The following SHPRH variants were observed in gnomAD, a reference collection of about 807,000 sequenced individuals.
The protein encoded by SHPRH is E3 ubiquitin-protein ligase SHPRH.
In SHPRH, 106 loss-of-function variants were observed where a neutral mutation model predicts 202.5. The ratio of observed to expected loss-of-function variants is 0.52; its 90% confidence interval spans 0.45 to 0.62. SHPRH has a LOEUF of 0.62. Ranked by LOEUF, SHPRH falls within the 20% of genes least tolerant of loss-of-function variation. The pLI is 0.00. For missense variants in SHPRH, 1,710 were observed against 2,020.0 expected, an observed-to-expected ratio of 0.85 and a Z score of 2.94; for synonymous variants, 729 against 686.0, an observed-to-expected ratio of 1.06 and a Z score of -0.98.
intron 26 of SHPRH, 152 bp from the exon 27 acceptor site, chr6:145,894,388 AT>A: frequency 4.4e-6 from 2 of 455,534 alleles, no homozygotes; most frequent in South Asian, 9.2e-5. Context: ...CATCCATATT[AT>A]TTAGCTCTAT....
Position 145,885,175 on chromosome 6 carries a change from G to C in SHPRH, c.*1516C>G, listed in dbSNP as rs1036088046. The stretch of plus-strand genomic sequence containing the variant: ...AGTTCTCTACCTTTAAAACAGTAAA[G>C]ATATTAATTATATCAACTTCACAAG... On this transcript the variant is annotated 3_prime_UTR_variant, in exon 30 of 30. Transcript: ENST00000275233. The C allele has an allele frequency of 6.6e-6, 1 of 152,078 alleles. No individual in the cohort carries two copies. The highest frequency in any genetic ancestry group is 1.5e-5 in the Non-Finnish European group (1 of 68,000). 9.4% of individuals were successfully genotyped at this position (152,078 alleles called of 1,614,324 possible). A position where few individuals can be genotyped will look rare whatever the true frequency, so the allele number is the denominator to read the frequency against.
rs950985579 is a variant in SHPRH, at chr6:145,924,765, G to A, written c.3376C>T (p.Gln1126Ter). 2 of 1,611,606 alleles carry A rather than the reference G, an allele frequency of 1.2e-6. No homozygotes were observed. The highest frequency in any genetic ancestry group is 2.7e-5 in the African/African-American group (2 of 74,768). Residue 1126 changes from glutamine (Q) to a stop codon, truncating the protein, a stop_gained, in exon 17 of 30, where the codon CAG becomes TAG. Coordinates refer to ENST00000275233, the MANE Select transcript of SHPRH (RefSeq NM_001042683.3). LOFTEE classifies it high-confidence loss of function. ...EAQQALYPVQ[Q>*]TIHELQRKIH... Reference sequence around the variant, plus strand: ...TTTCTTTGAAGCTCATGGATGGTCTGCTGCACAGGATATAAAGCTTGCTGG... The same window carrying A: ...TTTCTTTGAAGCTCATGGATGGTCTACTGCACAGGATATAAAGCTTGCTGG...
chr6:145,911,387 G>A (rs144047975), intron 24 of SHPRH, among the ~76,000 whole-genome samples: 4 of 152,064 alleles, frequency 2.6e-5, no homozygotes, highest in Non-Finnish European at 4.4e-5. Context: ...ATCCACTTCG[G>A]CCTGGGATTA....
At chr6:145,920,904 C>T (rs1784382612) in intron 21 of SHPRH, among the ~76,000 whole-genome samples, 1 of 152,020 alleles carries the variant, frequency 6.6e-6, no homozygotes, top group South Asian at 2.1e-4. Flanking sequence ...AATGAACACA[C>T]TTTCACGGCT....
intron 8 of SHPRH, among the ~76,000 whole-genome samples, chr6:145,944,845 T>A (rs1787192502): frequency 6.6e-6 from 1 of 151,888 alleles, no homozygotes; most frequent in Non-Finnish European, 1.5e-5. Flanking sequence ...AAAATGAGAA[T>A]TTAGAAGTTC....
chr6:145,862,714 T>C (rs916735706), downstream of SHPRH: 1 of 152,286 alleles, frequency 6.6e-6, no homozygotes, highest in South Asian at 2.1e-4. Context: ...CTGTTCTGAA[T>C]GTGTGAGGTA....
At chr6:145,884,572 T>C (rs1168354874), downstream of SHPRH, 1 of 152,154 alleles carries the variant, frequency 6.6e-6, no homozygotes, top group African/African-American at 2.4e-5. Flanking sequence ...TCAGAGGCTA[T>C]AAAATAATAG....
At chr6:145,929,243 G>A (rs541022126) in intron 14 of SHPRH, among the ~76,000 whole-genome samples, 4 of 151,900 alleles carry the variant, frequency 2.6e-5, no homozygotes, top group South Asian at 4.1e-4. Flanking sequence ...ACTTGATGGC[G>A]CTAACATTTC....
At chr6:145,884,484 C>A (rs544783668), downstream of SHPRH, 1 of 152,100 alleles carries the variant, frequency 6.6e-6, no homozygotes, top group Non-Finnish European at 1.5e-5. Context: ...CTAACAATTG[C>A]GGCTATCTCA....
the SHPRH span, among the ~76,000 whole-genome samples, chr6:145,858,674 T>C: frequency 2.6e-5 from 4 of 152,044 alleles, no homozygotes; most frequent in African/African-American, 9.7e-5. Context: ...TCAAAACTTA[T>C]CAAATTTAAC....
chr6:145,953,321 A>G (rs894352898), intron 2 of SHPRH, among the ~76,000 whole-genome samples: 1 of 152,104 alleles, frequency 6.6e-6, no homozygotes, highest in Non-Finnish European at 1.5e-5. Flanking sequence ...GTGATGTCTT[A>G]CTACAGCAGC....
In SHPRH at chr6:145,931,890, CTT is replaced by C. The variant is rs55660510; in HGVS notation, c.3112+1165_3112+1166del. On this transcript the variant is annotated intron_variant, in intron 14 of 29. Coordinates refer to ENST00000275233, the MANE Select transcript of SHPRH (RefSeq NM_001042683.3). ...ATGATATAAAACCCACAATATATTT[CTT>C]TTTTTTTTTTTTCCTTTGGGGACTC... Among the ~76,000 whole-genome samples the C allele has an allele frequency of 6.6e-3, 952 of 144,018 alleles. 17 individuals carry two copies. The East Asian group carries it at 0.07, about 11-fold the overall frequency. The allele number at this position is 144,018 out of a possible 152,430, so 94.5% of individuals were successfully genotyped here. A position where few individuals can be genotyped will look rare whatever the true frequency, so the allele number is the denominator to read the frequency against.
In SHPRH at chr6:145,933,693, T is replaced by C. The variant is rs143454127; in HGVS notation, c.2991-515A>G. 3.9e-5 allele frequency among the ~76,000 whole-genome samples: 6 copies of C among 152,344 alleles called. No individual in the cohort carries two copies. In the East Asian group the frequency reaches 1.2e-3, roughly 30 times the overall value. Reference sequence around the variant, plus strand: ...TTTGAAATTTACTATGTTCACTTCATATTTTAGAAATCTATAATTTTCATC... The same window carrying C: ...TTTGAAATTTACTATGTTCACTTCACATTTTAGAAATCTATAATTTTCATC... On this transcript the variant is annotated intron_variant, in intron 13 of 29. Coordinates refer to ENST00000275233, the MANE Select transcript of SHPRH (RefSeq NM_001042683.3).
At chr6:145,881,691 C>T (rs1429502635), downstream of SHPRH, 1 of 151,926 alleles carries the variant, frequency 6.6e-6, no homozygotes, top group Admixed American at 6.6e-5. Flanking sequence ...GTCTGATAAG[C>T]GTCCTTTTTA....
intron 3 of SHPRH, chr6:145,952,058 G>A (rs1788033565): frequency 7.8e-6 from 3 of 384,592 alleles, no homozygotes; most frequent in Non-Finnish European, 1.5e-5. Context: ...AAAAGCACAG[G>A]AATAATGCAA....
In SHPRH at chr6:145,941,692, G is replaced by C. The variant is rs749852988; in HGVS notation, c.2421C>G (p.Pro807=). ...TCCTCCACCACTCCACAGCTACCAG[G>C]GGGCTCGGGATAGCCATATAGCGCT... ...NQKRYMAIPS[P]LVAVEWWRIC... is the part of the protein sequence containing the mutation. The change falls in exon 10 of 30, where the codon CCC becomes CCG. Residue 807 remains proline (P), a synonymous_variant. Transcript: ENST00000275233. 8 of 1,613,976 alleles carry C rather than the reference G, an allele frequency of 5.0e-6. No individual in the cohort carries two copies. Among genetic ancestry groups the C allele is most frequent in the Admixed American group, 1.7e-5 (1 of 59,982 alleles).
chr6:145,862,437 A>G (rs1488394887), downstream of SHPRH, among the ~76,000 whole-genome samples: 1 of 133,300 alleles, frequency 7.5e-6, no homozygotes, highest in Non-Finnish European at 1.6e-5. Flanking sequence ...ACAAAACAAA[A>G]CAAAAAAACA....
chr6:145,879,941 GA>G (rs1167887013), downstream of SHPRH, among the ~76,000 whole-genome samples: 3 of 130,918 alleles, frequency 2.3e-5, no homozygotes, highest in Non-Finnish European at 5.0e-5. Context: ...AAGGAAAAAA[GA>G]AAAAAAGAAA....
Position 145,947,525 on chromosome 6 carries a change from C to A in SHPRH, c.1180G>T (p.Asp394Tyr). Residue 394 changes from aspartate to tyrosine, a missense_variant, in exon 6 of 30, where the codon GAT (aspartate) becomes TAT (tyrosine). This residue lies in a region of SHPRH where 348 missense variants were observed against 356.9 expected (regional missense o/e 0.97). Coordinates refer to ENST00000275233, the MANE Select transcript of SHPRH (RefSeq NM_001042683.3). ...LALILTHTRQ[D>Y]VKQDALTLPE... ...AGAGTGAGAGCATCTTGCTTGACAT[C>A]TTGTCGAGTATGTGTCAGAATCAGA... 6.2e-7 allele frequency: 1 copy of A among 1,612,864 alleles called. No individual in the cohort carries two copies. Among genetic ancestry groups the A allele is most frequent in the South Asian group, 1.1e-5 (1 of 91,028 alleles).
Sources: gnomAD v4.1 joint callset for allele counts (sites outside exome capture counted in the v4.1 genomes callset) on GRCh38, gnomAD v4.1.1 for gene constraint, gnomAD v4.1.1 regional missense constraint, MANE v1.5 for transcripts, NCBI Gene and HGNC (gene_info 2026-07-23, HGNC 2026-07-21) for gene names.